MACROD2: variants seen among roughly 807,000 people sequenced by gnomAD.
MACROD2 encodes ADP-ribose glycohydrolase MACROD2.
MACROD2 carries 36 observed loss-of-function variants against 70.4 expected under a neutral mutation model. The ratio of observed to expected loss-of-function variants is 0.51; its 90% CI spans 0.39 to 0.68. The LOEUF (loss-of-function observed/expected upper bound fraction) is 0.68. Among genes scored for constraint, MACROD2 ranks in the 30% least tolerant of loss-of-function variants. The probability of loss-of-function intolerance (pLI) is 0.00; values close to 1 mark genes in which losing one functional copy is unlikely to be tolerated. For missense variants in MACROD2, 496 were observed against 538.4 expected (o/e 0.92, Z 0.78); for synonymous variants, 172 against 178.8 (o/e 0.96, Z 0.30).
chr20:14,360,113 G>A (rs1312042325), intron 3 of MACROD2, among the ~76,000 whole-genome samples: 1 of 151,608 alleles, frequency 6.6e-6, no homozygotes, highest in South Asian at 2.1e-4. Context: ...GCACAGGGTG[G>A]TGGGGGGTGG....
rs80327906 is a variant in MACROD2, at chr20:14,920,166, G to A, written c.418+235207G>A. On this transcript the variant is annotated intron_variant, in intron 5 of 17. Transcript: ENST00000684519. Reference sequence around the variant, plus strand: ...GTTCCTCTCAGTAACTACTGGTACTGGGATAGAGAAGGAGTTGGCAGCTCT... The same window carrying A: ...GTTCCTCTCAGTAACTACTGGTACTAGGATAGAGAAGGAGTTGGCAGCTCT... Among the ~76,000 whole-genome samples, 1,252 of 152,288 alleles carry A rather than the reference G, an allele frequency of 8.2e-3. 23 individuals are homozygous for A. Among genetic ancestry groups the A allele is most frequent in the African/African-American group, 0.029 (1,185 of 41,568 alleles).
At chr20:15,911,557 A>G (rs1463635736) in intron 10 of MACROD2, among the ~76,000 whole-genome samples, 1 of 151,322 alleles carries the variant, frequency 6.6e-6, no homozygotes, top group Non-Finnish European at 1.5e-5. Flanking sequence ...GAGAAGCTAT[A>G]TATAAGGTGG....
chr20:14,144,996 G>A (rs547248173), intron 3 of MACROD2, among the ~76,000 whole-genome samples: 1 of 152,108 alleles, frequency 6.6e-6, no homozygotes, highest in South Asian at 2.1e-4. Flanking sequence ...TTTTGTCCAG[G>A]GCTTTGCCTT....
At position 14,185,964 on chromosome 20, in the gene MACROD2, G is replaced by T. The variant is rs866356381; in HGVS notation, c.271+100236G>T. Among the ~76,000 whole-genome samples the T allele has an allele frequency of 2.6e-4, 40 of 152,228 alleles. 1 individual carries two copies. The Middle Eastern group carries it at 0.027, about 104-fold the overall frequency. Reference sequence around the variant, plus strand: ...AAAAACTTCCTTACTTAGCTGGCTTGCTTTCAGAGTGTATCCCAATTTACT... The same window carrying T: ...AAAAACTTCCTTACTTAGCTGGCTTTCTTTCAGAGTGTATCCCAATTTACT... On this transcript the variant is annotated intron_variant, in intron 3 of 17. Transcript: ENST00000684519.
At chr20:15,838,792 A>T (rs1488469044) in intron 8 of MACROD2, among the ~76,000 whole-genome samples, 1 of 152,170 alleles carries the variant, frequency 6.6e-6, no homozygotes, top group Non-Finnish European at 1.5e-5. Context: ...TTTTAAATAA[A>T]TACATCAATA....
chr20:14,522,825 C>T (rs930096815), intron 4 of MACROD2, among the ~76,000 whole-genome samples: 19 of 152,164 alleles, frequency 1.2e-4, no homozygotes, highest in African/African-American at 4.3e-4. Flanking sequence ...ACTCCCAACT[C>T]TAGAATATAA....
intron 5 of MACROD2, among the ~76,000 whole-genome samples, chr20:14,688,995 G>A (rs1241944000): frequency 6.6e-6 from 1 of 152,152 alleles, no homozygotes; most frequent in Non-Finnish European, 1.5e-5. Context: ...TAAATCCAGA[G>A]TCCTTAAAAT....
intron 5 of MACROD2, among the ~76,000 whole-genome samples, chr20:14,751,910 C>T (rs1422745549): frequency 5.3e-5 from 8 of 151,982 alleles, no homozygotes; most frequent in Non-Finnish European, 7.4e-5. Flanking sequence ...ATCTTACCTA[C>T]CTTTGGAGTA....
At chr20:15,681,460 ATTGTAGCTCT>A (rs1309820516) in intron 8 of MACROD2, among the ~76,000 whole-genome samples, 2 of 152,200 alleles carry the variant, frequency 1.3e-5, no homozygotes, top group African/African-American at 4.8e-5. Flanking sequence ...TAGGCCTGAC[ATTGTAGCTCT>A]TTGGTGAAGA....
At chr20:15,483,461 A>G (rs911600366) in intron 7 of MACROD2, among the ~76,000 whole-genome samples, 2 of 152,156 alleles carry the variant, frequency 1.3e-5, no homozygotes, top group African/African-American at 4.8e-5. Context: ...CTGAAGCTTT[A>G]TGGTAAGTCT....
intron 5 of MACROD2, among the ~76,000 whole-genome samples, chr20:15,132,436 G>T (rs1163048487): frequency 6.6e-6 from 1 of 151,978 alleles, no homozygotes; most frequent in Non-Finnish European, 1.5e-5. Context: ...ATTGATGAAA[G>T]AATGAATTAT....
chr20:15,414,443 G>A (rs1363076949), intron 6 of MACROD2, among the ~76,000 whole-genome samples: 1 of 152,162 alleles, frequency 6.6e-6, no homozygotes, highest in East Asian at 1.9e-4. Flanking sequence ...TATATTGACT[G>A]TGGTCTAAGC....
At chr20:15,935,250 A>G (rs1335156246) in intron 11 of MACROD2, among the ~76,000 whole-genome samples, 1 of 152,132 alleles carries the variant, frequency 6.6e-6, no homozygotes, top group Admixed American at 6.5e-5. Context: ...TTATCACCAC[A>G]ATAGGGGCAC....
Position 15,185,302 on chromosome 20 carries a change from T to C in MACROD2, c.419-44638T>C, listed in dbSNP as rs556328066. Among the ~76,000 whole-genome samples, 6 of 152,312 alleles carry C rather than the reference T, an allele frequency of 3.9e-5. 1 individual carries two copies. Among genetic ancestry groups the C allele is most frequent in the Middle Eastern group, 6.8e-3 (2 of 294 alleles). ...TAGTTTAAACTTTTGGTACATGAGA[T>C]AATATAATATTCTTTTGAATTCTTT... is the stretch of plus-strand genomic sequence containing the variant. On this transcript the variant is annotated intron_variant, in intron 5 of 17. Transcript: ENST00000684519.
chr20:14,186,501 T>A (rs1377872852), intron 3 of MACROD2, among the ~76,000 whole-genome samples: 3 of 152,154 alleles, frequency 2.0e-5, no homozygotes, highest in Non-Finnish European at 4.4e-5. Flanking sequence ...ATACTGTTGA[T>A]GAGAATGTAA....
intron 5 of MACROD2, among the ~76,000 whole-genome samples, chr20:14,694,377 A>G (rs538553506): frequency 1.6e-4 from 24 of 152,272 alleles, no homozygotes; most frequent in South Asian, 6.2e-4. Flanking sequence ...TTCCCAGGTC[A>G]TGTGGTAAGA....
At chr20:15,924,357 A>ACACTTG (rs1380549927) in intron 10 of MACROD2, among the ~76,000 whole-genome samples, 1 of 152,162 alleles carries the variant, frequency 6.6e-6, no homozygotes, top group East Asian at 1.9e-4. Context: ...CCCCAGACAG[A>ACACTTG]CACTTGCACT....
At chr20:15,911,351 T>C (rs1012219752) in intron 10 of MACROD2, among the ~76,000 whole-genome samples, 1 of 152,256 alleles carries the variant, frequency 6.6e-6, no homozygotes, top group African/African-American at 2.4e-5. Flanking sequence ...ATTTGATCAT[T>C]GAATTCTTGT....
chr20:14,445,050 T>G (rs912741230), intron 3 of MACROD2, among the ~76,000 whole-genome samples: 2 of 152,084 alleles, frequency 1.3e-5, no homozygotes, highest in Admixed American at 6.6e-5. Context: ...CAATGTGGTC[T>G]TGTTAAAATT....
Sources: allele counts gnomAD v4.1 joint callset (sites outside exome capture counted in the v4.1 genomes callset), GRCh38; gene constraint gnomAD v4.1.1; transcripts MANE v1.5; gene names NCBI Gene and HGNC (gene_info 2026-07-23, HGNC 2026-07-21).